YARS1: variants seen among roughly 807,000 people sequenced by gnomAD.
YARS1 encodes the protein tyrosine--tRNA ligase, cytoplasmic.
YARS1 carries 36 observed loss-of-function variants against 62.2 expected under a neutral mutation model. The observed-to-expected ratio is 0.58, with a 90% CI of 0.44 to 0.76. The LOEUF (loss-of-function observed/expected upper bound fraction) is 0.76, where lower values mean the gene tolerates loss of function less well. Ranked by LOEUF, YARS1 falls within the 30% of genes least tolerant of loss-of-function variation. The probability of loss-of-function intolerance (pLI) is 0.00; values close to 1 mark genes in which losing one functional copy is unlikely to be tolerated. For missense variants in YARS1, 524 were observed against 639.8 expected (o/e 0.82, Z 1.95); for synonymous variants, 234 against 244.9 (o/e 0.96, Z 0.42).
In YARS1 at chr1:32,781,072, C is replaced by T; in HGVS notation, c.1116G>A (p.Val372=). Residue 372 remains valine (V), a synonymous_variant, in exon 10 of 13, where the codon GTG becomes GTA. Coordinates refer to ENST00000373477, the MANE Select transcript of YARS1 (RefSeq NM_003680.4). ...EVIPSRLDIR[V]GKIITVEKHP... Reference sequence around the variant, plus strand: ...CCTTCTCCACAGTGATGATTTTCCCCACACGGATATCCAGCCGGGATGGGA... The same window carrying T: ...CCTTCTCCACAGTGATGATTTTCCCTACACGGATATCCAGCCGGGATGGGA... 1 of 1,614,212 alleles carries T rather than the reference C, an allele frequency of 6.2e-7. No individual in the cohort carries two copies. The highest frequency in any genetic ancestry group is 8.5e-7 in the Non-Finnish European group (1 of 1,180,048).
intron 8 of YARS1, among the ~76,000 whole-genome samples, 167 bp downstream of exon 8, chr1:32,786,195 G>T (rs887976919): frequency 2.6e-5 from 4 of 152,118 alleles, no homozygotes; most frequent in Non-Finnish European, 4.4e-5. Context: ...AACCAAAACT[G>T]CAATTTTGAA....
Position 32,803,551 on chromosome 1 carries a change from T to C in YARS1, c.510+2931A>G, listed in dbSNP as rs537859901. Among the ~76,000 whole-genome samples, 100 of 152,308 alleles carry C rather than the reference T, an allele frequency of 6.6e-4. 3 individuals carry two copies. In the South Asian group the frequency reaches 0.019, roughly 29 times the overall value. On this transcript the variant is annotated intron_variant, in intron 4 of 12. Coordinates refer to ENST00000373477, the MANE Select transcript of YARS1 (RefSeq NM_003680.4). Reference sequence around the variant, plus strand: ...GAGAGTCAGCCTGTCCTTTGAAGATTTGAAGCCAGGAATCAACTTCTCTCT... The same window carrying C: ...GAGAGTCAGCCTGTCCTTTGAAGATCTGAAGCCAGGAATCAACTTCTCTCT...
At chr1:32,791,347 T>A in intron 5 of YARS1, 93 bp from the exon 6 acceptor site, 1 of 939,924 alleles carries the variant, frequency 1.1e-6, no homozygotes, top group Admixed American at 1.7e-5. Flanking sequence ...AACTGAGTAG[T>A]TGTTATATTG....
chr1:32,797,679 T>C, intron 5 of YARS1, 84 bp downstream of exon 5: 1 of 1,141,050 alleles, frequency 8.8e-7, no homozygotes, highest in East Asian at 2.3e-5. Flanking sequence ...CTATGACTAG[T>C]GGGACTGACA....
At chr1:32,777,436 C>G (rs868257267) in intron 12 of YARS1, among the ~76,000 whole-genome samples, 3 of 152,010 alleles carry the variant, frequency 2.0e-5, no homozygotes, top group African/African-American at 7.2e-5. Context: ...CATGGTGAAA[C>G]CCCATCTCTA....
intron 3 of YARS1, among the ~76,000 whole-genome samples, chr1:32,806,814 G>C: frequency 6.6e-6 from 1 of 152,152 alleles, no homozygotes; most frequent in East Asian, 1.9e-4. Flanking sequence ...TCTTGCTTAA[G>C]AAATTTCAGA....
rs1405228485 is a variant in YARS1, at chr1:32,777,217, C to T, written c.1477-1126G>A. Among the ~76,000 whole-genome samples, 10 of 151,950 alleles carry T rather than the reference C, an allele frequency of 6.6e-5. No individual in the cohort carries two copies. In the East Asian group the frequency reaches 1.2e-3, roughly 18 times the overall value. ...GCTAATTTTGTATTTTTAGTAGAGA[C>T]GGGGTTTCTCTATGTTGGTCAGGCT... On this transcript the variant is annotated intron_variant, in intron 12 of 12. Coordinates refer to ENST00000373477, the MANE Select transcript of YARS1 (RefSeq NM_003680.4).
At chr1:32,786,766 T>A in intron 7 of YARS1, 174 bp downstream of exon 7, 2 of 969,210 alleles carry the variant, frequency 2.1e-6, no homozygotes, top group Non-Finnish European at 3.0e-6. Flanking sequence ...AACGAATATA[T>A]GGACAATTAA....
chr1:32,815,438 G>C (rs1279128098), intron 1 of YARS1, among the ~76,000 whole-genome samples: 7 of 152,198 alleles, frequency 4.6e-5, no homozygotes, highest in Non-Finnish European at 8.8e-5. Context: ...CTATTTTATG[G>C]AGAGAGAATA....
intron 4 of YARS1, among the ~76,000 whole-genome samples, chr1:32,798,650 A>C (rs1224380841): frequency 6.6e-6 from 1 of 152,046 alleles, no homozygotes; most frequent in African/African-American, 2.4e-5. Context: ...AAAATAAAAA[A>C]CAAACAAACA....
chr1:32,792,554 G>T (rs953781992), intron 5 of YARS1, among the ~76,000 whole-genome samples: 2 of 149,430 alleles, frequency 1.3e-5, no homozygotes, highest in Non-Finnish European at 3.0e-5. Context: ...TCCAGATATT[G>T]CAATAAATAG....
rs570329035 is a variant in YARS1 at position 32,791,798 on chromosome 1, A to G, written c.592-544T>C. On this transcript the variant is annotated intron_variant, in intron 5 of 12. Coordinates refer to ENST00000373477, the MANE Select transcript of YARS1 (RefSeq NM_003680.4). Reference sequence around the variant, plus strand: ...GCCTGGGCGACAAGAGCGAGACTCCATCTCAAAAAACAAAAACAAAAACAA... The same window carrying G: ...GCCTGGGCGACAAGAGCGAGACTCCGTCTCAAAAAACAAAAACAAAAACAA... 1.4e-4 allele frequency among the ~76,000 whole-genome samples: 21 copies of G among 152,218 alleles called. No individual in the cohort carries two copies. In the South Asian group the frequency reaches 2.9e-3, roughly 21 times the overall value.
In YARS1 at chr1:32,806,341, T is replaced by C. The variant is rs1033349079; in HGVS notation, c.510+141A>G. The C allele has an allele frequency of 4.5e-6, 6 of 1,327,462 alleles. No individual in the cohort carries two copies. The African/African-American group carries it at 7.2e-5, about 16-fold the overall frequency. The allele number at this position is 1,327,462 out of a possible 1,614,324, so 82.2% of individuals were successfully genotyped here. Reference sequence around the variant, plus strand: ...GGAAAAATGGTGCTGGTGGACTTGCTGTACACAGGGTTGCCACACACCTTC... The same window carrying C: ...GGAAAAATGGTGCTGGTGGACTTGCCGTACACAGGGTTGCCACACACCTTC... On this transcript the variant is annotated intron_variant, in intron 4 of 12. Coordinates refer to ENST00000373477, the MANE Select transcript of YARS1 (RefSeq NM_003680.4).
At position 32,810,746 on chromosome 1, in the gene YARS1, G is replaced by A. The variant is rs1557466766; in HGVS notation, c.225C>T (p.Asp75=). Residue 75 remains aspartate (D), a synonymous_variant, in exon 3 of 13, where the codon GAC becomes GAT. Coordinates refer to ENST00000373477, the MANE Select transcript of YARS1 (RefSeq NM_003680.4). ...TCATGTTATCCAGGTATGCGTGGAG[G>A]TCCGCAAACAGAATTGTTACCTGGA... ...AGCEVTILFA[D]LHAYLDNMKA... 1 of 1,614,088 alleles carries A rather than the reference G, an allele frequency of 6.2e-7. No homozygotes were observed. Among genetic ancestry groups the A allele is most frequent in the Non-Finnish European group, 8.5e-7 (1 of 1,180,010 alleles).
At chr1:32,778,416 A>ATT (rs35431920) in intron 12 of YARS1, among the ~76,000 whole-genome samples, 34 of 146,964 alleles carry the variant, frequency 2.3e-4, no homozygotes, top group Middle Eastern at 7.1e-3. Context: ...TCTTTCTTTC[A>ATT]TTTTTTTTTT....
intron 1 of YARS1, among the ~76,000 whole-genome samples, chr1:32,812,117 C>A (rs1214126339): frequency 6.6e-6 from 1 of 152,156 alleles, no homozygotes; most frequent in Admixed American, 6.5e-5. Flanking sequence ...GACCTCCAGG[C>A]TCAACAATCC....
chr1:32,796,593 G>T (rs549499115), intron 5 of YARS1, among the ~76,000 whole-genome samples: 1 of 151,788 alleles, frequency 6.6e-6, no homozygotes, highest in South Asian at 2.1e-4. Flanking sequence ...AAACTCCTGG[G>T]CTCAAATGAT....
At chr1:32,780,434 CAGG>C in intron 10 of YARS1, 156 bp from the exon 11 acceptor site, 1 of 797,562 alleles carries the variant, frequency 1.3e-6, no homozygotes, top group Non-Finnish European at 2.1e-6. Context: ...AGACAGCAGA[CAGG>C]AGAATGGGCT....
chr1:32,815,101 C>A (rs1638674346), intron 1 of YARS1, among the ~76,000 whole-genome samples: 7 of 152,166 alleles, frequency 4.6e-5, no homozygotes, highest in Admixed American at 4.6e-4. Flanking sequence ...GTAATCCCAG[C>A]ACTTTGGGAC....
Sources: gnomAD v4.1 joint callset for allele counts (sites outside exome capture counted in the v4.1 genomes callset) on GRCh38, gnomAD v4.1.1 for gene constraint, MANE v1.5 for transcripts, NCBI Gene and HGNC (gene_info 2026-07-23, HGNC 2026-07-21) for gene names.